Variants in OBSL1 observed in about 807,000 individuals in gnomAD.
OBSL1 encodes the protein obscurin like cytoskeletal adaptor 1.
A neutral mutation model predicts 172.0 loss-of-function variants in OBSL1; 160 were observed. The observed-to-expected ratio is 0.93, with a 90% CI of 0.82 to 1.06. The LOEUF (loss-of-function observed/expected upper bound fraction) is 1.06. Among genes scored for constraint, OBSL1 ranks in the 50% least tolerant of loss-of-function variants. OBSL1 has a pLI of 0.00. For synonymous variants in OBSL1, 1,200 were observed against 1,196.3 expected (o/e 1.00, Z -0.06); for missense variants, 2,681 against 2,715.4 (o/e 0.99, Z 0.28).
In OBSL1 at chr2:219,570,955, G is replaced by A; in HGVS notation, c.278C>T (p.Ala93Val). 2.3e-6 allele frequency: 3 copies of A among 1,282,696 alleles called. No homozygotes were observed. 79.5% of individuals were successfully genotyped at this position (1,282,696 alleles called of 1,614,324 possible). ...CACGGTGACGGCGGCCGCCGCGTAG[G>A]CCTCGCCGGCCGCGTTGCGGGCGCG... is the stretch of plus-strand genomic sequence containing the variant. ...VCRARNAAGE[A>V]YAAAAVTVLE... Residue 93 changes from alanine (A) to valine (V), a missense_variant, in exon 1 of 21, where the codon GCC (alanine) becomes GTC (valine). Physicochemically the swap from Ala to Val is moderately conservative, Grantham distance 64. Around this residue, in one of 5 missense-constraint regions of OBSL1, gnomAD observed 67 missense variants for 109.3 expected, o/e 0.61. Coordinates refer to ENST00000404537, the MANE Select transcript of OBSL1 (RefSeq NM_015311.3).
intron 9 of OBSL1, among the ~76,000 whole-genome samples, 164 bp from the exon 10 acceptor site, chr2:219,558,623 C>CAG (rs1696222682): frequency 6.6e-6 from 1 of 152,224 alleles, no homozygotes; most frequent in Non-Finnish European, 1.5e-5. Context: ...TCCTAAGAAC[C>CAG]CTGTGTTTTT....
chr2:219,551,868 C>T (rs1695635516), intron 19 of OBSL1, 70 bp from the exon 20 acceptor site: 23 of 1,050,148 alleles, frequency 2.2e-5, no homozygotes, highest in African/African-American at 4.7e-5. Context: ...GATGCATCTT[C>T]CCTCCCTGAA....
In OBSL1 at chr2:219,559,488, A is replaced by T. The variant is rs773771739; in HGVS notation, c.2963T>A (p.Val988Glu). The change falls in exon 9 of 21, where the codon GTG becomes GAG. Residue 988 changes from valine (V) to glutamate (E), a missense_variant. By Grantham distance (121) the Val-to-Glu change is moderately radical. Coordinates refer to ENST00000404537, the MANE Select transcript of OBSL1 (RefSeq NM_015311.3). ...SFTVTVTEPP[V>E]RIIYPRDEVT... The stretch of plus-strand genomic sequence containing the variant: ...CTCATCGCGAGGGTATATGATCCGC[A>T]CTGGGGGTTCTGCAGGGTGGGGACA... 6.2e-7 allele frequency: 1 copy of T among 1,608,766 alleles called. No homozygotes were observed. Among genetic ancestry groups the T allele is most frequent in the Non-Finnish European group, 8.5e-7 (1 of 1,175,510 alleles).
At chr2:219,548,930 G>C (rs1458331397), downstream of OBSL1, 7 of 562,860 alleles carry the variant, frequency 1.2e-5, no homozygotes, top group Non-Finnish European at 2.2e-5. Context: ...GTACCTGGAA[G>C]CCTAGCAACC....
chr2:219,560,220 C>A (rs929154973), intron 8 of OBSL1, among the ~76,000 whole-genome samples: 19 of 152,202 alleles, frequency 1.2e-4, no homozygotes, highest in Non-Finnish European at 1.2e-4. Context: ...CTTAAGGTCA[C>A]AGCTGGCTAC....
chr2:219,550,538 C>A (rs928778241), downstream of OBSL1: 32 of 448,974 alleles, frequency 7.1e-5, no homozygotes, highest in Middle Eastern at 1.2e-3. Flanking sequence ...GTCTCCCCCA[C>A]CCCACTCTGT....
rs199794384 is a variant in OBSL1, at chr2:219,563,346, G to A, written c.2680+9C>T. ...CCCCTGTGCCTCCGAGGCCCACCTG[G>A]CCCCCCACCTGTGATGGTGACAGTG... is the stretch of plus-strand genomic sequence containing the variant. On this transcript the variant is annotated intron_variant, in intron 7 of 20. Coordinates refer to ENST00000404537, the MANE Select transcript of OBSL1 (RefSeq NM_015311.3). The A allele has an allele frequency of 2.6e-6, 4 of 1,553,092 alleles. No homozygotes were observed. In the African/African-American group the frequency reaches 4.1e-5, roughly 16 times the overall value.
At position 219,552,419 on chromosome 2, in the gene OBSL1, A is replaced by C. The variant is rs1276971855; in HGVS notation, c.5308+117T>G. 1.5e-5 allele frequency: 15 copies of C among 995,512 alleles called. No homozygotes were observed. The Admixed American group carries it at 3.8e-4, about 25-fold the overall frequency. The allele number at this position is 995,512 out of a possible 1,614,324, so 61.7% of individuals were successfully genotyped here. ...GGGAAAGAACAGGGACGAGGCTCACAGGGCCGTGGGGCGGGGCCCGTCGGA... is the reference window on the plus strand; with the variant it reads ...GGGAAAGAACAGGGACGAGGCTCACCGGGCCGTGGGGCGGGGCCCGTCGGA... On this transcript the variant is annotated intron_variant, in intron 18 of 20. Coordinates refer to ENST00000404537, the MANE Select transcript of OBSL1 (RefSeq NM_015311.3).
downstream of OBSL1, chr2:219,547,744 G>A (rs778657887): frequency 4.4e-6 from 7 of 1,593,038 alleles, no homozygotes; most frequent in East Asian, 2.2e-5. Flanking sequence ...CTGCCCTGCT[G>A]GGCTCCGCAC....
rs1696801987 is a variant in OBSL1 at position 219,565,302 on chromosome 2, T to C, written c.2347A>G (p.Ser783Gly). 4 of 1,614,030 alleles carry C rather than the reference T, an allele frequency of 2.5e-6. No individual in the cohort carries two copies. The highest frequency in any genetic ancestry group is 3.4e-6 in the Non-Finnish European group (4 of 1,179,894). ...TCTGTCCTGCACTCAAACTCGCCACTGTCCTGGACTTTGGCCTCAGGCAGG... is the reference window on the plus strand; with the variant it reads ...TCTGTCCTGCACTCAAACTCGCCACCGTCCTGGACTTTGGCCTCAGGCAGG... ...LILPEAKVQD[S>G]GEFECRTEGV... Residue 783 changes from serine (S) to glycine (G), a missense_variant, in exon 6 of 21, where the codon AGT becomes GGT. By Grantham distance (56) the Ser-to-Gly change is moderately conservative. This residue lies in a region of OBSL1 where 1,765 missense variants were observed against 1,748.3 expected (regional missense o/e 1.01). Transcript: ENST00000404537.
chr2:219,549,780 C>A (rs199925077), downstream of OBSL1: 503 of 1,614,156 alleles, frequency 3.1e-4, 3 homozygotes, highest in South Asian at 2.7e-3. Flanking sequence ...CATGGCCTCA[C>A]CCACAGATGC....
rs1474111292 is a variant in OBSL1 at position 219,567,506 on chromosome 2, A to T, written c.1604T>A (p.Leu535Gln). ...EMFKGHKNTV[L>Q]LTWKPPEPAP... ...TGGCTCGGGAGGCTTCCAGGTCAAC[A>T]GGACCGTGTTCTTGTGGCCCTTGAA... The change falls in exon 4 of 21, where the codon CTG (leucine) becomes CAG (glutamine). Residue 535 changes from leucine (L) to glutamine (Q), a missense_variant. Physicochemically the swap from Leu to Gln is moderately radical, Grantham distance 113 (BLOSUM62 -2). This residue lies in a region of OBSL1 where 706 missense variants were observed against 695.8 expected (regional missense o/e 1.01). Transcript: ENST00000404537. The T allele has an allele frequency of 6.2e-7, 1 of 1,613,404 alleles. No homozygotes were observed. Among genetic ancestry groups the T allele is most frequent in the East Asian group, 2.2e-5 (1 of 44,858 alleles).
Position 219,554,716 on chromosome 2 carries a change from G to A in OBSL1, c.4634C>T (p.Pro1545Leu). Residue 1545 changes from proline (P) to leucine (L), a missense_variant, in exon 15 of 21, where the codon CCT becomes CTT. Coordinates refer to ENST00000404537, the MANE Select transcript of OBSL1 (RefSeq NM_015311.3). Reference sequence around the variant, plus strand: ...CTCACTGATGGTCACGTCCTCCAGAGGCCGCAGCACCCTCAGCTGCCTCGC... The same window carrying A: ...CTCACTGATGGTCACGTCCTCCAGAAGCCGCAGCACCCTCAGCTGCCTCGC... ...VRPRQLRVLR[P>L]LEDVTISEGG... 6.4e-7 allele frequency: 1 copy of A among 1,565,400 alleles called. No individual in the cohort carries two copies. The highest frequency in any genetic ancestry group is 8.7e-7 in the Non-Finnish European group (1 of 1,154,342).
chr2:219,570,022 G>T (rs1340664532), intron 1 of OBSL1, among the ~76,000 whole-genome samples, 199 bp downstream of exon 1: 2 of 152,228 alleles, frequency 1.3e-5, no homozygotes, highest in African/African-American at 4.8e-5. Context: ...AGTTTGCTAA[G>T]AAGTTCCTGA....
In OBSL1 at chr2:219,571,175, G is replaced by C; in HGVS notation, c.58C>G (p.Pro20Ala). ...SPPCFLRFPR[P>A]VRVVSGAEAE... ...TCGGCGCCACTTACCACCCGCACAG[G>C]CCGCGGGAAGCGCAGGAAGCACGGG... Residue 20 changes from proline (P) to alanine (A), a missense_variant, in exon 1 of 21, where the codon CCT becomes GCT. By Grantham distance (27) the Pro-to-Ala change is conservative. Around this residue, in one of 5 missense-constraint regions of OBSL1, gnomAD observed 90 missense variants for 76.6 expected, o/e 1.18. Transcript: ENST00000404537. 6.8e-7 allele frequency: 1 copy of C among 1,478,978 alleles called. No homozygotes were observed. 91.6% of individuals were successfully genotyped at this position (1,478,978 alleles called of 1,614,324 possible). A position where few individuals can be genotyped will look rare whatever the true frequency, so the allele number is the denominator to read the frequency against.
At chr2:219,569,497 A>T (rs567828632) in intron 1 of OBSL1, 1 of 152,402 alleles carries the variant, frequency 6.6e-6, no homozygotes, top group East Asian at 1.9e-4. Context: ...GTTTATGAGA[A>T]TGTAACCATT....
chr2:219,562,873 C>G (rs774345955), intron 7 of OBSL1, 199 bp from the exon 8 acceptor site: 2 of 637,744 alleles, frequency 3.1e-6, no homozygotes, highest in African/African-American at 3.7e-5. Flanking sequence ...AGCAGACTTT[C>G]TGCTGCGCAG....
At chr2:219,569,546 CCTT>C (rs1697187602) in intron 1 of OBSL1, 2 of 152,852 alleles carry the variant, frequency 1.3e-5, no homozygotes, top group South Asian at 4.1e-4. Flanking sequence ...GAAATATAAA[CCTT>C]CTCTCCTTCA....
rs768685309 is a variant in OBSL1, at chr2:219,570,734, C to A, written c.499G>T (p.Ala167Ser). The change falls in exon 1 of 21, where the codon GCC becomes TCC. Residue 167 changes from alanine to serine, a missense_variant. Physicochemically the swap from Ala to Ser is moderately conservative, Grantham distance 99. Coordinates refer to ENST00000404537, the MANE Select transcript of OBSL1 (RefSeq NM_015311.3). ...CTGCTGTCCCACACTTCGTCCAGGG[C>A]CATCCCGTCCTTCTCCCAGTACAGT... ...PTLYWEKDGMALDEVWDSSHF... is the reference protein window; with the variant it reads ...PTLYWEKDGMSLDEVWDSSHF... The A allele has an allele frequency of 8.6e-6, 13 of 1,510,348 alleles. No homozygotes were observed. Among genetic ancestry groups the A allele is most frequent in the Non-Finnish European group, 1.1e-5 (13 of 1,136,332 alleles). 93.6% of individuals were successfully genotyped at this position (1,510,348 alleles called of 1,614,324 possible).
Sources: gnomAD v4.1 joint callset for allele counts (sites outside exome capture counted in the v4.1 genomes callset) on GRCh38, gnomAD v4.1.1 for gene constraint, gnomAD v4.1.1 regional missense constraint, MANE v1.5 for transcripts, NCBI Gene and HGNC (gene_info 2026-07-23, HGNC 2026-07-21) for gene names.